SLC4A8: variants seen among roughly 807,000 people sequenced by gnomAD.
The protein encoded by SLC4A8 is solute carrier family 4 member 8, also known as electroneutral sodium bicarbonate exchanger 1.
A neutral mutation model predicts 125.0 loss-of-function variants in SLC4A8; 40 were observed. That is an observed-to-expected ratio of 0.32 (90% confidence interval 0.25 to 0.42). SLC4A8 has a LOEUF of 0.42. Ranked by LOEUF, SLC4A8 falls within the 10% of genes least tolerant of loss-of-function variation. The pLI, the probability that SLC4A8 is intolerant of heterozygous loss-of-function variation, is 1.00. For missense variants in SLC4A8, 863 were observed against 1,355.1 expected (o/e 0.64, Z 5.70); for synonymous variants, 456 against 476.0 (o/e 0.96, Z 0.55).
chr12:51,463,801 T>C, intron 11 of SLC4A8, 87 bp downstream of exon 11: 1 of 868,308 alleles, frequency 1.2e-6, no homozygotes, highest in African/African-American at 1.7e-5. Flanking sequence ...TTCAGCCTAC[T>C]TCTCTGTGGT....
Position 51,493,756 on chromosome 12 carries a change from C to T in SLC4A8, c.2753C>T (p.Ser918Leu). The T allele has an allele frequency of 6.2e-7, 1 of 1,604,678 alleles. No homozygotes were observed. The highest frequency in any genetic ancestry group is 8.5e-7 in the Non-Finnish European group (1 of 1,171,376). ...YGVFLYMGVS[S>L]LQGIQFFDRL... ...GTTTTCCTTTACATGGGAGTTTCTT[C>T]ACTACAGGGAATTCAGGTATTGTAT... Residue 918 changes from serine to leucine, a missense_variant, in exon 20 of 25, where the codon TCA (serine) becomes TTA (leucine). Transcript: ENST00000453097.
At chr12:51,444,701 C>T (rs780173946) in intron 2 of SLC4A8, among the ~76,000 whole-genome samples, 1 of 152,174 alleles carries the variant, frequency 6.6e-6, no homozygotes, top group Non-Finnish European at 1.5e-5. Flanking sequence ...GAAGAATAAC[C>T]TAGCCTGAAA....
At chr12:51,470,980 T>C (rs903974229) in intron 13 of SLC4A8, among the ~76,000 whole-genome samples, 2 of 152,150 alleles carry the variant, frequency 1.3e-5, no homozygotes, top group African/African-American at 4.8e-5. Flanking sequence ...TAGCAGCTCA[T>C]GGGACTATGG....
At chr12:51,480,404 A>G in intron 16 of SLC4A8, 3 of 1,122,032 alleles carry the variant, frequency 2.7e-6, no homozygotes, top group Non-Finnish European at 2.2e-6. Context: ...AGGCAATATT[A>G]TCTGTGAGTG....
intron 16 of SLC4A8, among the ~76,000 whole-genome samples, chr12:51,478,610 A>G (rs1415507391): frequency 6.6e-6 from 1 of 152,244 alleles, no homozygotes; most frequent in Non-Finnish European, 1.5e-5. Context: ...GCTCTGCACC[A>G]AATTCCAGAG....
intron 13 of SLC4A8, 38 bp from the exon 14 acceptor site, chr12:51,471,249 C>A (rs377179958): frequency 4.3e-5 from 69 of 1,588,324 alleles, no homozygotes; most frequent in Non-Finnish European, 5.7e-5. Flanking sequence ...TTAATGCCAT[C>A]CATCCATGCG....
Position 51,471,506 on chromosome 12 carries a change from C to T in SLC4A8, c.1878C>T (p.Ser626=). Residue 626 remains serine, a synonymous_variant, in exon 14 of 25, where the codon AGC becomes AGT. Coordinates refer to ENST00000453097, the MANE Select transcript of SLC4A8 (RefSeq NM_001039960.3). ...LAETYPIHMH[S]QLDHLSLYYC... The stretch of plus-strand genomic sequence containing the variant: ...AGACCTACCCCATCCACATGCACAG[C>T]CAGCTGGACCACCTTAGCCTCTATT... The T allele has an allele frequency of 6.2e-7, 1 of 1,614,138 alleles. No homozygotes were observed.
At chr12:51,466,535 C>G (rs1565798013) in intron 11 of SLC4A8, 1 of 151,400 alleles carries the variant, frequency 6.6e-6, no homozygotes, top group Admixed American at 6.6e-5. Context: ...TTGCATCAAA[C>G]TTAAATTAAA....
chr12:51,487,659 G>A (rs1001313510), intron 17 of SLC4A8, among the ~76,000 whole-genome samples: 1 of 152,202 alleles, frequency 6.6e-6, no homozygotes, highest in Non-Finnish European at 1.5e-5. Context: ...GTTTAGATAT[G>A]TTGTGAACAC....
chr12:51,433,151 G>A (rs1030482782), intron 1 of SLC4A8, among the ~76,000 whole-genome samples: 5 of 152,210 alleles, frequency 3.3e-5, no homozygotes, highest in African/African-American at 1.2e-4. Context: ...TTTACTGTAA[G>A]TGAGAATCTG....
chr12:51,402,888 A>C (rs759877739), intron 1 of SLC4A8, among the ~76,000 whole-genome samples: 3 of 152,054 alleles, frequency 2.0e-5, no homozygotes, highest in Non-Finnish European at 2.9e-5. Context: ...CCTGTTCTTC[A>C]CAGCGTTATC....
chr12:51,502,676 T>C (rs1027470303), intron 22 of SLC4A8, among the ~76,000 whole-genome samples: 1 of 151,848 alleles, frequency 6.6e-6, no homozygotes, highest in Non-Finnish European at 1.5e-5. Context: ...TCAGAATTAC[T>C]ATTATTAAAA....
chr12:51,409,248 A>G (rs12322628), intron 1 of SLC4A8, among the ~76,000 whole-genome samples: 6,034 of 152,172 alleles, frequency 0.04, 384 homozygotes, highest in African/African-American at 0.14. Flanking sequence ...AATCTATTCA[A>G]GAGTCTTTTG....
chr12:51,442,619 G>T (rs1448215553), intron 2 of SLC4A8, among the ~76,000 whole-genome samples: 1 of 152,178 alleles, frequency 6.6e-6, no homozygotes, highest in African/African-American at 2.4e-5. Flanking sequence ...TGCATAGTGT[G>T]TTGGGAGATG....
In SLC4A8 at chr12:51,480,395, G is replaced by A. The variant is rs77611680; in HGVS notation, c.2172+5189G>A. On this transcript the variant is annotated intron_variant, in intron 16 of 24. Transcript: ENST00000453097. ...CTGCTTAATTTTACACATGTGTGCA[G>A]GCAATATTATCTGTGAGTGAAAAGT... 6.7e-4 allele frequency: 763 copies of A among 1,132,650 alleles called. 5 individuals are homozygous for A. The African/African-American group carries it at 0.012, about 17-fold the overall frequency. The allele number at this position is 1,132,650 out of a possible 1,614,324, so 70.2% of individuals were successfully genotyped here.
rs758590731 is a variant in SLC4A8, at chr12:51,459,975, A to C, written c.880A>C (p.Ile294Leu). The C allele has an allele frequency of 6.2e-7, 1 of 1,613,794 alleles. No individual in the cohort carries two copies. Among genetic ancestry groups the C allele is most frequent in the Non-Finnish European group, 8.5e-7 (1 of 1,179,830 alleles). ...SKVDLHFMKK[I>L]PTGAEASNVL... ...GGTAGACCTTCATTTCATGAAAAAA[A>C]TTCCTACTGGGGCCGAGGCCTCCAA... Residue 294 changes from isoleucine (I) to leucine (L), a missense_variant, in exon 8 of 25, where the codon ATT becomes CTT. By Grantham distance (5) the Ile-to-Leu change is conservative. Transcript: ENST00000453097.
chr12:51,427,140 G>A (rs912579565), intron 1 of SLC4A8, among the ~76,000 whole-genome samples: 1 of 151,922 alleles, frequency 6.6e-6, no homozygotes, highest in Non-Finnish European at 1.5e-5. Flanking sequence ...GGGTTTCACC[G>A]TGTTAGCTAG....
At chr12:51,495,835 A>G (rs1032675601) in intron 21 of SLC4A8, among the ~76,000 whole-genome samples, 2 of 152,144 alleles carry the variant, frequency 1.3e-5, no homozygotes, top group African/African-American at 4.8e-5. Context: ...TCCATGTTGT[A>G]GCATGTGTCA....
chr12:51,424,898 G>A lies in SLC4A8; in HGVS notation c.-90G>A, dbSNP rs1026392555. 2.9e-6 allele frequency: 4 copies of A among 1,393,638 alleles called. No homozygotes were observed. Among genetic ancestry groups the A allele is most frequent in the Non-Finnish European group, 3.0e-6 (3 of 1,015,300 alleles). The allele number at this position is 1,393,638 out of a possible 1,614,324, so 86.3% of individuals were successfully genotyped here. A position where few individuals can be genotyped will look rare whatever the true frequency, so the allele number is the denominator to read the frequency against. On this transcript the variant is annotated 5_prime_UTR_variant, in exon 1 of 25. Transcript: ENST00000453097. Reference sequence around the variant, plus strand: ...CGTTGGCTCCGGGGTGGGGGTCGCCGTTCGAGTGATCTGCTCAGACCCGAC... The same window carrying A: ...CGTTGGCTCCGGGGTGGGGGTCGCCATTCGAGTGATCTGCTCAGACCCGAC...
Sources: allele counts gnomAD v4.1 joint callset (sites outside exome capture counted in the v4.1 genomes callset), GRCh38; gene constraint gnomAD v4.1.1; transcripts MANE v1.5; gene names NCBI Gene and HGNC (gene_info 2026-07-23, HGNC 2026-07-21).